MED15: variants seen among roughly 807,000 people sequenced by gnomAD.
MED15 encodes mediator of RNA polymerase II transcription subunit 15.
In MED15, 41 loss-of-function variants were observed where a neutral mutation model predicts 118.7. The ratio of observed to expected loss-of-function variants is 0.35; its 90% CI spans 0.27 to 0.45. The LOEUF (loss-of-function observed/expected upper bound fraction) is 0.45, where lower values mean the gene tolerates loss of function less well. MED15 is among the 20% of genes least tolerant of loss of function. The pLI is 1.00. For synonymous variants in MED15, 436 were observed against 413.9 expected (o/e 1.05, Z -0.65); for missense variants, 740 against 1,025.5 (o/e 0.72, Z 3.80).
chr22:20,527,556 C>T (rs1376051810), intron 1 of MED15, among the ~76,000 whole-genome samples: 1 of 152,052 alleles, frequency 6.6e-6, no homozygotes, highest in African/African-American at 2.4e-5. Flanking sequence ...ATCCTCCCAC[C>T]TCAGCCTCCC....
chr22:20,536,390 G>A (rs369364222), intron 1 of MED15, among the ~76,000 whole-genome samples: 418 of 152,246 alleles, frequency 2.7e-3, no homozygotes, highest in South Asian at 0.017. Context: ...TGCTGCATTC[G>A]AGGGGTCTCC....
intron 1 of MED15, among the ~76,000 whole-genome samples, chr22:20,529,131 GC>G (rs1260825447): frequency 6.6e-6 from 1 of 152,196 alleles, no homozygotes; most frequent in Non-Finnish European, 1.5e-5. Context: ...GGCTGTTGAG[GC>G]CACCATTTCC....
intron 8 of MED15, among the ~76,000 whole-genome samples, chr22:20,571,213 C>T (rs529828887): frequency 1.3e-5 from 2 of 152,354 alleles, no homozygotes; most frequent in South Asian, 4.1e-4. Flanking sequence ...ATCCCATCAC[C>T]GTCCAGAAGC....
At chr22:20,546,277 G>T (rs1017800440) in intron 2 of MED15, among the ~76,000 whole-genome samples, 4 of 152,130 alleles carry the variant, frequency 2.6e-5, no homozygotes, top group African/African-American at 9.7e-5. Context: ...TGCTAAATCG[G>T]AGAGCAGAGA....
chr22:20,551,683 A>G, intron 3 of MED15, 196 bp downstream of exon 3: 1 of 617,950 alleles, frequency 1.6e-6, no homozygotes, highest in Non-Finnish European at 2.9e-6. Flanking sequence ...CCTTGGCCTC[A>G]AAAATGCTGA....
intron 5 of MED15, among the ~76,000 whole-genome samples, chr22:20,558,631 C>T (rs1299173936): frequency 2.6e-5 from 4 of 152,106 alleles, no homozygotes; most frequent in African/African-American, 9.7e-5. Flanking sequence ...TTAGGATGCA[C>T]TTTGGAATGC....
At chr22:20,581,983 G>A (rs1601643070) in intron 9 of MED15, 1 of 153,022 alleles carries the variant, frequency 6.5e-6, no homozygotes, top group South Asian at 2.0e-4. Context: ...CTCTCCCAGG[G>A]GCGCTGGTGT....
Position 20,575,175 on chromosome 22 carries a change from C to G in MED15, c.1215C>G (p.Thr405=). 1 of 1,614,184 alleles carries G rather than the reference C, an allele frequency of 6.2e-7. No homozygotes were observed. The highest frequency in any genetic ancestry group is 8.5e-7 in the Non-Finnish European group (1 of 1,180,048). The stretch of plus-strand genomic sequence containing the variant: ...TAAGAGCCCGGTTCCCGCCTACCAC[C>G]GCTGTGTCCGCCATCCCGTCAAGCT... ...MHIRARFPPT[T]AVSAIPSSSI... is the part of the protein sequence containing the mutation. The change falls in exon 9 of 18, where the codon ACC becomes ACG. Residue 405 remains threonine (T), a synonymous_variant. Coordinates refer to ENST00000263205, the MANE Select transcript of MED15 (RefSeq NM_001003891.3).
At chr22:20,532,396 A>C (rs569662645) in intron 1 of MED15, among the ~76,000 whole-genome samples, 1 of 152,286 alleles carries the variant, frequency 6.6e-6, no homozygotes, top group South Asian at 2.1e-4. Context: ...TTCTGGGAAC[A>C]GTTCTGGACA....
chr22:20,583,150 C>G lies in MED15; in HGVS notation c.1575C>G (p.Ser525Arg), dbSNP rs750408298. The G allele has an allele frequency of 6.2e-7, 1 of 1,607,324 alleles. No homozygotes were observed. The highest frequency in any genetic ancestry group is 8.5e-7 in the Non-Finnish European group (1 of 1,177,060). ...CTGTCATGAGCCCAGCTGGCTCCAG[C>G]CAGGCTGAGGAGCAGCAGTACCTGG... is the stretch of plus-strand genomic sequence containing the variant. ...PSSVMSPAGS[S>R]QAEEQQYLDK... Residue 525 changes from serine (S) to arginine (R), a missense_variant, in exon 12 of 18, where the codon AGC (serine) becomes AGG (arginine). This residue lies in a region of MED15 where 384 missense variants were observed against 506.3 expected (regional missense o/e 0.76). Transcript: ENST00000263205.
chr22:20,584,425 G>A lies in MED15; in HGVS notation c.1803G>A (p.Val601=). ...AGAAACTCAAGAATGACATGGCGGT[G>A]GTGAGTGGGATGCCAGACACCCCTA... ...ALEKLKNDMA[V]PTPPPPPVPP... is the part of the protein sequence containing the mutation. The change falls in exon 14 of 18, where the codon GTG becomes GTA. Residue 601 remains valine (V), a splice_region_variant and synonymous_variant. Coordinates refer to ENST00000263205, the MANE Select transcript of MED15 (RefSeq NM_001003891.3). The A allele has an allele frequency of 6.2e-7, 1 of 1,613,668 alleles. No individual in the cohort carries two copies. Among genetic ancestry groups the A allele is most frequent in the Non-Finnish European group, 8.5e-7 (1 of 1,179,772 alleles).
chr22:20,570,209 G>A (rs1488246672), intron 8 of MED15, among the ~76,000 whole-genome samples: 1 of 151,894 alleles, frequency 6.6e-6, no homozygotes, highest in Non-Finnish European at 1.5e-5. Context: ...ATTTTTAGTA[G>A]AGACATGGTT....
At chr22:20,523,529 T>G in intron 1 of MED15, 1 of 414,038 alleles carries the variant, frequency 2.4e-6, no homozygotes, top group Non-Finnish European at 3.2e-6. Context: ...ACCAGATGAT[T>G]TCAACTGTGA....
chr22:20,508,097 T>G, intron 1 of MED15: 1 of 1,278,742 alleles, frequency 7.8e-7, no homozygotes, highest in Non-Finnish European at 1.0e-6. Flanking sequence ...GTAGTGGGTT[T>G]AGCAGGGCTG....
chr22:20,536,017 C>T (rs1020462152), intron 1 of MED15, among the ~76,000 whole-genome samples: 1 of 151,796 alleles, frequency 6.6e-6, no homozygotes, highest in Non-Finnish European at 1.5e-5. Flanking sequence ...GCTGAGATTA[C>T]AGGCATGCGC....
At chr22:20,564,758 A>T (rs1282628470) in intron 6 of MED15, 70 bp downstream of exon 6, 59 of 1,601,394 alleles carry the variant, frequency 3.7e-5, no homozygotes, top group Non-Finnish European at 5.0e-5. Context: ...CATCAGCCAC[A>T]ATGCTGGGTG....
intron 9 of MED15, among the ~76,000 whole-genome samples, chr22:20,577,629 T>C (rs938164598): frequency 1.3e-5 from 2 of 151,836 alleles, no homozygotes; most frequent in African/African-American, 4.8e-5. Context: ...ATAAATGCCA[T>C]GGAGAATTCT....
intron 1 of MED15, among the ~76,000 whole-genome samples, chr22:20,529,604 A>AT (rs1449798785): frequency 6.7e-6 from 1 of 148,932 alleles, no homozygotes; most frequent in African/African-American, 2.5e-5. Flanking sequence ...TTGTATTTTT[A>AT]TTTTTTATTT....
chr22:20,546,898 T>C (rs1274958697), intron 2 of MED15, among the ~76,000 whole-genome samples: 2 of 152,194 alleles, frequency 1.3e-5, no homozygotes, highest in African/African-American at 2.4e-5. Flanking sequence ...TGGAGCATGC[T>C]ACGTGGGCGC....
Sources: allele counts gnomAD v4.1 joint callset (sites outside exome capture counted in the v4.1 genomes callset), GRCh38; gene constraint gnomAD v4.1.1; regional missense constraint gnomAD v4.1.1; transcripts MANE v1.5; gene names NCBI Gene and HGNC (gene_info 2026-07-23, HGNC 2026-07-21).